The following TMPO variants were observed in gnomAD, a reference collection of about 807,000 sequenced individuals.
The protein encoded by TMPO is thymopoietin, also known as LEM domain containing 4.
A neutral mutation model predicts 45.4 loss-of-function variants in TMPO; 22 were observed. That is an observed-to-expected ratio of 0.48 (90% CI 0.35 to 0.69). TMPO has a LOEUF of 0.69. TMPO is among the 30% of genes least tolerant of loss of function. The pLI, the probability that TMPO is intolerant of heterozygous loss-of-function variation, is 0.01. For synonymous variants in TMPO, 241 were observed against 204.1 expected, an observed-to-expected ratio of 1.18 and a Z score of -1.54; for missense variants, 512 against 548.8, an observed-to-expected ratio of 0.93 and a Z score of 0.67.
At chr12:98,544,565 T>C (rs944102440) in intron 6 of TMPO, 28 bp downstream of exon 6, 1 of 1,560,904 alleles carries the variant, frequency 6.4e-7, no homozygotes, top group African/African-American at 1.4e-5. Flanking sequence ...ACTATACAAG[T>C]GGTATTCTTT....
At chr12:98,525,436 C>T (rs1035436261) in intron 1 of TMPO, among the ~76,000 whole-genome samples, 2 of 152,090 alleles carry the variant, frequency 1.3e-5, no homozygotes, top group African/African-American at 4.8e-5. Context: ...TTTCTCATAT[C>T]TTGCTTTATT....
intron 1 of TMPO, among the ~76,000 whole-genome samples, chr12:98,516,846 G>T (rs1196867729): frequency 6.6e-6 from 1 of 152,178 alleles, no homozygotes; most frequent in African/African-American, 2.4e-5. Flanking sequence ...TGTCGCACTT[G>T]TTGCCCAGGC....
chr12:98,537,616 T>G lies in TMPO; in HGVS notation c.663+44T>G, dbSNP rs374452692. 5 of 1,407,028 alleles carry G rather than the reference T, an allele frequency of 3.6e-6. No individual in the cohort carries two copies. In the African/African-American group the frequency reaches 7.1e-5, roughly 20 times the overall value. The allele number at this position is 1,407,028 out of a possible 1,614,324, so 87.2% of individuals were successfully genotyped here. A position where few individuals can be genotyped will look rare whatever the true frequency, so the allele number is the denominator to read the frequency against. ...CCACCGTGTACAGGTATAAATAACC[T>G]CCTGACAACACTAATCCATGTTTTA... On this transcript the variant is annotated intron_variant, in intron 4 of 8. Coordinates refer to ENST00000556029, the MANE Select transcript of TMPO (RefSeq NM_001032283.3).
At chr12:98,541,218 A>C (rs1392800858) in intron 4 of TMPO, among the ~76,000 whole-genome samples, 2 of 152,160 alleles carry the variant, frequency 1.3e-5, no homozygotes, top group Non-Finnish European at 2.9e-5. Flanking sequence ...CCATGTTTCT[A>C]AGGAACCGTG....
chr12:98,523,876 G>A lies in TMPO; in HGVS notation c.280-4010G>A, dbSNP rs561342554. Among the ~76,000 whole-genome samples the A allele has an allele frequency of 1.2e-3, 189 of 152,052 alleles. 1 individual carries two copies. The highest frequency in any genetic ancestry group is 3.6e-3 in the African/African-American group (149 of 41,484). On this transcript the variant is annotated intron_variant, in intron 1 of 8. Transcript: ENST00000556029. ...TTTTTAGTAGAGATGGGGTTTCACC[G>A]TGTTGGCCAGGCTGGTCTCAAACTC...
In TMPO at chr12:98,549,414, A is replaced by T. The variant is rs138693048; in HGVS notation, c.*1556A>T. The T allele has an allele frequency of 2.4e-5, 3 of 123,012 alleles. No homozygotes were observed. The East Asian group carries it at 8.0e-4, about 33-fold the overall frequency. The allele number at this position is 123,012 out of a possible 1,614,324, so 7.6% of individuals were successfully genotyped here. On this transcript the variant is annotated 3_prime_UTR_variant, in exon 9 of 9. Transcript: ENST00000556029. ...TGACCTCAAGTGATCAGCCCACCTC[A>T]GCTTCCCAAAGTGCTGGGATTACAG...
intron 7 of TMPO, 58 bp from the exon 8 acceptor site, chr12:98,546,301 A>T: frequency 2.7e-6 from 3 of 1,113,282 alleles, no homozygotes; most frequent in Non-Finnish European, 4.1e-6. Context: ...TGTTTTAATT[A>T]TTGCATGTTT....
chr12:98,528,270 G>GTTTT (rs1876933827), intron 2 of TMPO, among the ~76,000 whole-genome samples: 1 of 133,272 alleles, frequency 7.5e-6, no homozygotes. Flanking sequence ...TTTTTTTTTG[G>GTTTT]TTTTGTTTTG....
Position 98,525,619 on chromosome 12 carries a change from TA to T in TMPO, c.280-2265del, listed in dbSNP as rs995534369. ...AGCCGGGCGTGGTGGTGCACACCTG[TA>T]ATCCCAGCTACTCAGGAGGCTGAGG... is the stretch of plus-strand genomic sequence containing the variant. On this transcript the variant is annotated intron_variant, in intron 1 of 8. Coordinates refer to ENST00000556029, the MANE Select transcript of TMPO (RefSeq NM_001032283.3). Among the ~76,000 whole-genome samples, 4 of 151,568 alleles carry T rather than the reference TA, an allele frequency of 2.6e-5. No homozygotes were observed. In the Admixed American group the frequency reaches 2.6e-4, roughly 10 times the overall value.
In TMPO at chr12:98,534,139, AT is replaced by A. The variant is rs1013303326; in HGVS notation, c.565+2304del. The A allele has an allele frequency of 6.2e-7, 1 of 1,613,812 alleles. No homozygotes were observed. Among genetic ancestry groups the A allele is most frequent in the African/African-American group, 1.3e-5 (1 of 74,924 alleles). On this transcript the variant is annotated intron_variant, in intron 3 of 8. Transcript: ENST00000556029. ...CAAAACATATGATGCAGCCTCATAT[AT>A]TTGTGAAGCTGCATTTGATGAAGTG... is the stretch of plus-strand genomic sequence containing the variant.
At position 98,546,491 on chromosome 12, in the gene TMPO, G is replaced by A. The variant is rs1483937082; in HGVS notation, c.1079+44G>A. On this transcript the variant is annotated intron_variant, in intron 8 of 8. Transcript: ENST00000556029. ...ACAAGTACTAGTGTATTCTAGTAGGGAATCTTTATTTTTAATTCTTCATCA... is the reference window on the plus strand; with the variant it reads ...ACAAGTACTAGTGTATTCTAGTAGGAAATCTTTATTTTTAATTCTTCATCA... 6 of 1,319,198 alleles carry A rather than the reference G, an allele frequency of 4.5e-6. No individual in the cohort carries two copies. The East Asian group carries it at 1.4e-4, about 31-fold the overall frequency. 81.7% of individuals were successfully genotyped at this position (1,319,198 alleles called of 1,614,324 possible).
At chr12:98,529,246 G>A (rs1431504845) in intron 2 of TMPO, among the ~76,000 whole-genome samples, 1 of 151,866 alleles carries the variant, frequency 6.6e-6, no homozygotes, top group Non-Finnish European at 1.5e-5. Context: ...TAGAGATGGG[G>A]TTTTGCCATG....
chr12:98,529,273 G>GA (rs1231902376), intron 2 of TMPO, among the ~76,000 whole-genome samples: 1 of 151,798 alleles, frequency 6.6e-6, no homozygotes, highest in Non-Finnish European at 1.5e-5. Flanking sequence ...AGGCTGGTCT[G>GA]AAACTCCCGA....
At chr12:98,531,999 G>C in intron 3 of TMPO, 161 bp downstream of exon 3, 1 of 637,444 alleles carries the variant, frequency 1.6e-6, no homozygotes, top group South Asian at 2.1e-5. Flanking sequence ...ACTTTTTATT[G>C]AAAATTCTAA....
intron 3 of TMPO, chr12:98,532,155 C>T (rs1451549912): frequency 7.9e-6 from 2 of 252,762 alleles, no homozygotes; most frequent in Non-Finnish European, 7.7e-6. Context: ...TACCTATCAC[C>T]TCCACAGAAG....
Position 98,515,733 on chromosome 12 carries a change from C to T in TMPO, c.-135C>T. ...GGCTTTGTGTCCGCGAGTTTTTGTT[C>T]CGCTCCGCAGCGCTCTTCCCGGGCA... On this transcript the variant is annotated 5_prime_UTR_variant, in exon 1 of 9. Transcript: ENST00000556029. 1 of 1,521,290 alleles carries T rather than the reference C, an allele frequency of 6.6e-7. No homozygotes were observed. Among genetic ancestry groups the T allele is most frequent in the South Asian group, 1.2e-5 (1 of 80,180 alleles). The allele number at this position is 1,521,290 out of a possible 1,614,324, so 94.2% of individuals were successfully genotyped here. A position where few individuals can be genotyped will look rare whatever the true frequency, so the allele number is the denominator to read the frequency against.
At chr12:98,538,985 G>A (rs1877738046) in intron 4 of TMPO, among the ~76,000 whole-genome samples, 1 of 151,992 alleles carries the variant, frequency 6.6e-6, no homozygotes, top group African/African-American at 2.4e-5. Context: ...CGGATCACCT[G>A]AGGTCCGGAG....
Position 98,537,333 on chromosome 12 carries a change from T to C in TMPO, c.566-142T>C, listed in dbSNP as rs34646198. ...TCAAGACAAATTGCAGTTAAACAAT[T>C]TTGGACTAGTGAGGTATTACCAGTA... On this transcript the variant is annotated intron_variant, in intron 3 of 8. Coordinates refer to ENST00000556029, the MANE Select transcript of TMPO (RefSeq NM_001032283.3). The C allele has an allele frequency of 0.051, 32,434 of 640,518 alleles. 1,012 individuals carry two copies. The highest frequency in any genetic ancestry group is 0.062 in the Middle Eastern group (151 of 2,416). The allele number at this position is 640,518 out of a possible 1,614,324, so 39.7% of individuals were successfully genotyped here.
intron 1 of TMPO, among the ~76,000 whole-genome samples, chr12:98,520,765 T>A (rs1307748345): frequency 6.6e-6 from 1 of 151,646 alleles, no homozygotes; most frequent in East Asian, 1.9e-4. Context: ...TATGTATTTT[T>A]AGTAAAGACT....
Sources: allele counts gnomAD v4.1 joint callset (sites outside exome capture counted in the v4.1 genomes callset), GRCh38; gene constraint gnomAD v4.1.1; transcripts MANE v1.5; gene names NCBI Gene and HGNC (gene_info 2026-07-23, HGNC 2026-07-21).